PECR: variants seen among roughly 807,000 people sequenced by gnomAD.
The protein encoded by PECR is peroxisomal trans-2-enoyl-CoA reductase.
PECR carries 30 observed loss-of-function variants against 35.3 expected under a neutral mutation model. The observed-to-expected ratio is 0.85, with a 90% CI of 0.64 to 1.15. PECR has a LOEUF of 1.15. Among genes scored for constraint, PECR ranks in the 50% most tolerant of loss-of-function variants. The pLI is 0.00. For synonymous variants in PECR, 148 were observed against 138.9 expected (o/e 1.07, Z -0.46); for missense variants, 392 against 370.8 (o/e 1.06, Z -0.47).
chr2:216,071,209 C>G (rs1294122775), intron 1 of PECR, among the ~76,000 whole-genome samples: 6 of 152,210 alleles, frequency 3.9e-5, no homozygotes, highest in Admixed American at 6.5e-5. Context: ...CGCAAGCGTA[C>G]CCTTATCCCC....
At chr2:216,081,245 C>G (rs1695839914) in intron 1 of PECR, among the ~76,000 whole-genome samples, 1 of 152,176 alleles carries the variant, frequency 6.6e-6, no homozygotes, top group Admixed American at 6.5e-5. Context: ...ACTATGTTCA[C>G]AACTTTTTCC....
Position 216,051,548 on chromosome 2 carries a change from T to G in PECR, c.507-3A>C. On this transcript the variant is annotated splice_polypyrimidine_tract_variant and splice_region_variant and intron_variant, in intron 4 of 7. Transcript: ENST00000265322. ...CTGCTCTTGCAGCTCCAGAATGCCT[T>G]TGAAAGACAAAACATAAACATGACA... 1.9e-6 allele frequency: 3 copies of G among 1,581,000 alleles called. No homozygotes were observed. Among genetic ancestry groups the G allele is most frequent in the Non-Finnish European group, 2.6e-6 (3 of 1,149,752 alleles).
chr2:216,042,185 CTGAA>C (rs757877318), intron 7 of PECR, among the ~76,000 whole-genome samples: 7 of 152,206 alleles, frequency 4.6e-5, no homozygotes, highest in Non-Finnish European at 7.3e-5. Flanking sequence ...AGTGTCAGAA[CTGAA>C]TGAGAGGACG....
intron 4 of PECR, among the ~76,000 whole-genome samples, chr2:216,057,161 C>T (rs1245784991): frequency 6.6e-6 from 1 of 152,124 alleles, no homozygotes. Flanking sequence ...AGGCATTTGG[C>T]TTTGGACTTA....
rs1406299144 is a variant in PECR at position 216,078,304 on chromosome 2, C to A, written c.124+3314G>T. ...AAATATGACAATGTCGTGGAAATAGCCATTGATTCTGGCATAAAAAAATAA... is the reference window on the plus strand; with the variant it reads ...AAATATGACAATGTCGTGGAAATAGACATTGATTCTGGCATAAAAAAATAA... On this transcript the variant is annotated intron_variant, in intron 1 of 7. Transcript: ENST00000265322. 2.0e-5 allele frequency among the ~76,000 whole-genome samples: 3 copies of A among 151,806 alleles called. No homozygotes were observed. In the East Asian group the frequency reaches 5.8e-4, roughly 29 times the overall value.
At chr2:216,080,887 C>T (rs1695826273) in intron 1 of PECR, among the ~76,000 whole-genome samples, 1 of 152,164 alleles carries the variant, frequency 6.6e-6, no homozygotes, top group Non-Finnish European at 1.5e-5. Context: ...TCTAGTGGCT[C>T]AGCCTGTAAT....
intron 7 of PECR, among the ~76,000 whole-genome samples, chr2:216,029,265 G>A (rs1694643509): frequency 6.6e-6 from 1 of 151,990 alleles, no homozygotes; most frequent in Admixed American, 6.6e-5. Context: ...AGATCACGAG[G>A]TCAAGAGATT....
Position 216,059,222 on chromosome 2 carries a change from C to T in PECR, c.425-246G>A, listed in dbSNP as rs77481712. On this transcript the variant is annotated intron_variant, in intron 3 of 7. Coordinates refer to ENST00000265322, the MANE Select transcript of PECR (RefSeq NM_018441.6). ...CCACAATCCAGCTTGAGAACCTTTC[C>T]ATCACCCCAAAAAGTTCCTTCACAC... is the stretch of plus-strand genomic sequence containing the variant. 2.3e-3 allele frequency among the ~76,000 whole-genome samples: 347 copies of T among 152,288 alleles called. 9 individuals carry two copies. In the East Asian group the frequency reaches 0.046, roughly 20 times the overall value.
chr2:216,062,020 A>T (rs1223518177), intron 3 of PECR, among the ~76,000 whole-genome samples: 2 of 150,754 alleles, frequency 1.3e-5, no homozygotes. Context: ...AGAAAGAGAG[A>T]TCATGTAAAT....
chr2:216,080,112 C>G (rs937966288), intron 1 of PECR, among the ~76,000 whole-genome samples: 2 of 151,930 alleles, frequency 1.3e-5, no homozygotes, highest in Non-Finnish European at 2.9e-5. Context: ...GATGGAATCT[C>G]GCTCTGTTGC....
intron 1 of PECR, 79 bp downstream of exon 1, chr2:216,081,539 C>T: frequency 6.3e-7 from 1 of 1,580,186 alleles, no homozygotes; most frequent in Non-Finnish European, 8.7e-7. Context: ...TCAGCCCCGC[C>T]GAGAGCTCCT....
chr2:216,053,696 G>C (rs1695165640), intron 4 of PECR, among the ~76,000 whole-genome samples: 1 of 152,066 alleles, frequency 6.6e-6, no homozygotes, highest in Admixed American at 6.6e-5. Context: ...TCTGGATTTT[G>C]AGTTTTCAGA....
chr2:216,046,232 TTAATTTC>T (rs1694986381), intron 6 of PECR, among the ~76,000 whole-genome samples: 1 of 148,986 alleles, frequency 6.7e-6, no homozygotes, highest in African/African-American at 2.4e-5. Flanking sequence ...AATTTTGGTT[TTAATTTC>T]TAATACAGCA....
At chr2:216,065,066 T>A in intron 3 of PECR, 1 of 526,934 alleles carries the variant, frequency 1.9e-6, no homozygotes. Flanking sequence ...GCTAAATCTA[T>A]GTACAGATCA....
intron 7 of PECR, 113 bp from the exon 8 acceptor site, chr2:216,039,473 A>C (rs577147431): frequency 1.3e-6 from 1 of 741,944 alleles, no homozygotes; most frequent in Non-Finnish European, 2.5e-6. Context: ...AGCACCAAAA[A>C]ATAAATCCTT....
At position 216,039,130 on chromosome 2, in the gene PECR, G is replaced by T; in HGVS notation, c.*145C>A. Reference sequence around the variant, plus strand: ...GGACATAAGACTGTATATATTTCAGGAATAGTTTTTCCATAGATATAATTA... The same window carrying T: ...GGACATAAGACTGTATATATTTCAGTAATAGTTTTTCCATAGATATAATTA... On this transcript the variant is annotated 3_prime_UTR_variant, in exon 8 of 8. Transcript: ENST00000265322. 1 of 639,468 alleles carries T rather than the reference G, an allele frequency of 1.6e-6. No homozygotes were observed. Among genetic ancestry groups the T allele is most frequent in the Non-Finnish European group, 2.8e-6 (1 of 352,740 alleles). 39.6% of individuals were successfully genotyped at this position (639,468 alleles called of 1,614,324 possible). A position where few individuals can be genotyped will look rare whatever the true frequency, so the allele number is the denominator to read the frequency against.
chr2:216,071,884 T>G (rs1695595812), intron 1 of PECR, among the ~76,000 whole-genome samples: 1 of 152,240 alleles, frequency 6.6e-6, no homozygotes, highest in Non-Finnish European at 1.5e-5. Context: ...GGTGCCACTT[T>G]GACAAAAATT....
intron 7 of PECR, among the ~76,000 whole-genome samples, chr2:216,040,260 T>C (rs1358365811): frequency 6.6e-6 from 1 of 152,280 alleles, no homozygotes; most frequent in East Asian, 1.9e-4. Flanking sequence ...AATGACTTTA[T>C]TTTTTTAATT....
chr2:216,068,881 T>C (rs899256433), intron 1 of PECR, among the ~76,000 whole-genome samples: 9 of 143,900 alleles, frequency 6.3e-5, no homozygotes, highest in Admixed American at 2.2e-4. Flanking sequence ...TGAGTAAATA[T>C]AAAGACTTTT....
Sources: gnomAD v4.1 joint callset for allele counts (sites outside exome capture counted in the v4.1 genomes callset) on GRCh38, gnomAD v4.1.1 for gene constraint, MANE v1.5 for transcripts, NCBI Gene and HGNC (gene_info 2026-07-23, HGNC 2026-07-21) for gene names.